The following SLC7A14 variants were observed in gnomAD, a reference collection of about 807,000 sequenced individuals.
SLC7A14 encodes the protein solute carrier family 7 member 14.
In SLC7A14, 37 loss-of-function variants were observed where a neutral mutation model predicts 60.2. The observed-to-expected ratio is 0.61, with a 90% CI of 0.47 to 0.81. The LOEUF (loss-of-function observed/expected upper bound fraction) is 0.81, where lower values mean the gene tolerates loss of function less well. Among genes scored for constraint, SLC7A14 ranks in the 30% least tolerant of loss-of-function variants. SLC7A14 has a pLI of 0.00. For synonymous variants in SLC7A14, 399 were observed against 395.8 expected (o/e 1.01, Z -0.10); for missense variants, 886 against 982.7 (o/e 0.90, Z 1.32).
Position 170,585,252 on chromosome 3 carries a change from A to T in SLC7A14, c.-153+659T>A, listed in dbSNP as rs1715351436. Among the ~76,000 whole-genome samples the T allele has an allele frequency of 6.6e-6, 1 of 152,052 alleles. No homozygotes were observed. Among genetic ancestry groups the T allele is most frequent in the South Asian group, 2.1e-4 (1 of 4,814 alleles). On this transcript the variant is annotated intron_variant, in intron 1 of 7. Transcript: ENST00000231706. The surrounding 1 kb of genome is among the most constrained non-coding windows in gnomAD (Gnocchi z 5.1). ...GGCTCTGGGCAGGGAGCTTCCCTGG[A>T]CACCGCTCCCGTCACGTCCTCTTCG... is the stretch of plus-strand genomic sequence containing the variant.
chr3:170,556,226 T>C (rs1370953818), intron 1 of SLC7A14, among the ~76,000 whole-genome samples: 1 of 152,238 alleles, frequency 6.6e-6, no homozygotes, highest in Non-Finnish European at 1.5e-5. Context: ...ATCTAAGATA[T>C]GATACTCATA....
At chr3:170,479,145 A>T (rs1179682116) in intron 7 of SLC7A14, among the ~76,000 whole-genome samples, 3 of 125,098 alleles carry the variant, frequency 2.4e-5, no homozygotes, top group African/African-American at 7.9e-5. Context: ...AAAACAAAAC[A>T]AACAAATAAC....
intron 1 of SLC7A14, among the ~76,000 whole-genome samples, chr3:170,550,940 G>GT (rs566337567): frequency 7.9e-5 from 12 of 152,016 alleles, no homozygotes; most frequent in African/African-American, 2.7e-4. Context: ...ATATTTCAGT[G>GT]TTTTTTTAGT....
intron 1 of SLC7A14, among the ~76,000 whole-genome samples, chr3:170,546,203 A>T (rs1450071051): frequency 6.6e-6 from 1 of 152,210 alleles, no homozygotes; most frequent in African/African-American, 2.4e-5. Context: ...ACAGAAGCAG[A>T]CAGAATCTAA....
chr3:170,514,052 T>G (rs1046849374), intron 2 of SLC7A14, among the ~76,000 whole-genome samples: 1 of 152,262 alleles, frequency 6.6e-6, no homozygotes, highest in African/African-American at 2.4e-5. Flanking sequence ...CCTTCAGTTC[T>G]TTTCTCTCCT....
chr3:170,489,977 G>A (rs1016046056), intron 4 of SLC7A14, among the ~76,000 whole-genome samples: 2 of 151,846 alleles, frequency 1.3e-5, no homozygotes, highest in Non-Finnish European at 2.9e-5. Context: ...GGGGAGGTGG[G>A]GATGGTTAAT....
chr3:170,465,541 G>A lies in SLC7A14; in HGVS notation c.*1514C>T, dbSNP rs1340927367. On this transcript the variant is annotated 3_prime_UTR_variant, in exon 8 of 8. Coordinates refer to ENST00000231706, the MANE Select transcript of SLC7A14 (RefSeq NM_020949.3). ...AGCCTTTCAGAAAGAACAGACTTGAGTGCTAGCGAATATGTTCTGGAAAAC... is the reference window on the plus strand; with the variant it reads ...AGCCTTTCAGAAAGAACAGACTTGAATGCTAGCGAATATGTTCTGGAAAAC... The A allele has an allele frequency of 2.0e-5, 3 of 152,254 alleles. No individual in the cohort carries two copies. Among genetic ancestry groups the A allele is most frequent in the African/African-American group, 7.2e-5 (3 of 41,466 alleles). The allele number at this position is 152,254 out of a possible 1,614,324, so 9.4% of individuals were successfully genotyped here.
Position 170,531,183 on chromosome 3 carries a change from G to A in SLC7A14, c.-152-4095C>T, listed in dbSNP as rs191421211. 2.2e-3 allele frequency among the ~76,000 whole-genome samples: 330 copies of A among 152,094 alleles called. 1 individual carries two copies. The highest frequency in any genetic ancestry group is 7.4e-3 in the African/African-American group (308 of 41,490). ...TGCCAGGCATAATGACAAATGCTCC[G>A]TGTGGAAAACCAGATATTGCTGTTT... On this transcript the variant is annotated intron_variant, in intron 1 of 7. Coordinates refer to ENST00000231706, the MANE Select transcript of SLC7A14 (RefSeq NM_020949.3).
intron 5 of SLC7A14, among the ~76,000 whole-genome samples, chr3:170,485,515 A>T (rs1489309924): frequency 6.6e-6 from 1 of 152,110 alleles, no homozygotes; most frequent in Non-Finnish European, 1.5e-5. Context: ...CCAGGGGCAG[A>T]GGGGGATGTT....
chr3:170,495,902 G>T, intron 4 of SLC7A14: 1 of 1,428,906 alleles, frequency 7.0e-7, no homozygotes, highest in Non-Finnish European at 9.8e-7. Flanking sequence ...TGGGCTAGGA[G>T]AAGCTGAAGC....
chr3:170,510,011 G>A lies in SLC7A14; in HGVS notation c.305-8666C>T, dbSNP rs907143731. ...GAGAATCACTTGAACCCTGGAGGCA[G>A]AGGATGCAGTGAGCCAAGATCGCGC... On this transcript the variant is annotated intron_variant, in intron 2 of 7. Coordinates refer to ENST00000231706, the MANE Select transcript of SLC7A14 (RefSeq NM_020949.3). Among the ~76,000 whole-genome samples the A allele has an allele frequency of 2.7e-5, 4 of 150,066 alleles. No homozygotes were observed. In the South Asian group the frequency reaches 8.5e-4, roughly 32 times the overall value.
intron 1 of SLC7A14, among the ~76,000 whole-genome samples, chr3:170,559,369 T>C (rs1714575247): frequency 6.6e-6 from 1 of 152,192 alleles, no homozygotes; most frequent in Non-Finnish European, 1.5e-5. Context: ...CTGTTTTCCT[T>C]AAAGATTTTG....
At position 170,535,753 on chromosome 3, in the gene SLC7A14, C is replaced by G. The variant is rs1340279861; in HGVS notation, c.-152-8665G>C. 3.9e-5 allele frequency among the ~76,000 whole-genome samples: 6 copies of G among 152,234 alleles called. No homozygotes were observed. Among genetic ancestry groups the G allele is most frequent in the Non-Finnish European group, 7.3e-5 (5 of 68,036 alleles). On this transcript the variant is annotated intron_variant, in intron 1 of 7. Coordinates refer to ENST00000231706, the MANE Select transcript of SLC7A14 (RefSeq NM_020949.3). This position sits in a 1 kb window ranked among gnomAD's most constrained non-coding sequence, Gnocchi z 4.3. ...TGGCCCTCTCCACATAGCCCTAACT[C>G]TCTCTGGTTCTGATAATTCTTTCTT...
intron 1 of SLC7A14, among the ~76,000 whole-genome samples, chr3:170,562,740 G>T (rs1199188489): frequency 6.6e-6 from 1 of 152,128 alleles, no homozygotes; most frequent in African/African-American, 2.4e-5. Flanking sequence ...CTTGCTACAA[G>T]AAATATTATT....
intron 1 of SLC7A14, among the ~76,000 whole-genome samples, chr3:170,544,703 T>A (rs938972076): frequency 6.6e-6 from 1 of 152,212 alleles, no homozygotes; most frequent in Non-Finnish European, 1.5e-5. Flanking sequence ...AGTGGAAATG[T>A]CATTAAGTAG....
At chr3:170,475,980 TG>T (rs1045495094) in intron 7 of SLC7A14, among the ~76,000 whole-genome samples, 23 of 152,334 alleles carry the variant, frequency 1.5e-4, no homozygotes, top group Middle Eastern at 3.4e-3. Context: ...CCCAAAGTGC[TG>T]GGATTACAGG....
chr3:170,501,686 A>T (rs1712613846), intron 2 of SLC7A14, among the ~76,000 whole-genome samples: 1 of 152,072 alleles, frequency 6.6e-6, no homozygotes, highest in Non-Finnish European at 1.5e-5. Flanking sequence ...CACGACCCCC[A>T]CCCTAGATGG....
chr3:170,531,536 A>G (rs1360691857), intron 1 of SLC7A14, among the ~76,000 whole-genome samples: 3 of 152,300 alleles, frequency 2.0e-5, no homozygotes, highest in South Asian at 2.1e-4. Flanking sequence ...TCTTCACGCA[A>G]TTCCCCTGAG....
intron 7 of SLC7A14, among the ~76,000 whole-genome samples, chr3:170,468,558 T>G (rs1739791111): frequency 6.6e-6 from 1 of 152,144 alleles, no homozygotes; most frequent in African/African-American, 2.4e-5. Context: ...CACTTCCCAA[T>G]GTGTTGGGAT....
Sources: gnomAD v4.1 joint callset for allele counts (sites outside exome capture counted in the v4.1 genomes callset) on GRCh38, gnomAD v4.1.1 for gene constraint, Gnocchi (gnomAD v3.1) non-coding constraint, MANE v1.5 for transcripts, NCBI Gene and HGNC (gene_info 2026-07-23, HGNC 2026-07-21) for gene names.